The following DIPK1A variants were observed in gnomAD, a reference collection of about 807,000 sequenced individuals.
The protein encoded by DIPK1A is divergent protein kinase domain 1A.
Under a neutral mutation model 40.8 loss-of-function variants are expected in DIPK1A, and 27 were observed. That is an observed-to-expected ratio of 0.66 (90% CI 0.49 to 0.91). The LOEUF is 0.91. Among genes scored for constraint, DIPK1A ranks in the 40% least tolerant of loss-of-function variants. The probability of loss-of-function intolerance (pLI) is 0.00; values close to 1 mark genes in which losing one functional copy is unlikely to be tolerated. For missense variants in DIPK1A, 412 were observed against 505.7 expected (o/e 0.81, Z 1.78); for synonymous variants, 166 against 171.3 (o/e 0.97, Z 0.24).
intron 1 of DIPK1A, among the ~76,000 whole-genome samples, chr1:92,915,843 A>G (rs111426699): frequency 1.3e-5 from 2 of 152,328 alleles, no homozygotes; most frequent in African/African-American, 4.8e-5. Flanking sequence ...AGCATTACTC[A>G]TAATAGTCCC....
downstream of DIPK1A, among the ~76,000 whole-genome samples, chr1:92,838,757 A>G (rs1043010500): frequency 5.3e-5 from 8 of 152,224 alleles, no homozygotes; most frequent in African/African-American, 1.9e-4. Flanking sequence ...TTGAATGACT[A>G]TATATGAAGT....
rs1486920729 is a variant in DIPK1A at position 92,896,077 on chromosome 1, G to T, written c.55-19647C>A. Among the ~76,000 whole-genome samples, 4 of 152,214 alleles carry T rather than the reference G, an allele frequency of 2.6e-5. No homozygotes were observed. The East Asian group carries it at 7.7e-4, about 29-fold the overall frequency. ...TCAATATCGTAAAAATGGCCATACT[G>T]CCCAAAGTAATTTATAGATTCAATG... is the stretch of plus-strand genomic sequence containing the variant. On this transcript the variant is annotated intron_variant, in intron 1 of 4. Coordinates refer to ENST00000370310, the MANE Select transcript of DIPK1A (RefSeq NM_001006605.5).
intron 2 of DIPK1A, among the ~76,000 whole-genome samples, chr1:92,865,302 G>C (rs986897580): frequency 1.3e-5 from 2 of 152,024 alleles, no homozygotes; most frequent in African/African-American, 4.8e-5. Flanking sequence ...ATTCAAGGCT[G>C]CAGTGAGCTA....
intron 1 of DIPK1A, among the ~76,000 whole-genome samples, chr1:92,882,582 C>G (rs540142315): frequency 6.6e-6 from 1 of 152,250 alleles, no homozygotes. Context: ...GAAGCATATT[C>G]TATTTCGACT....
chr1:92,920,328 G>A (rs970257889), intron 1 of DIPK1A, among the ~76,000 whole-genome samples: 1 of 152,128 alleles, frequency 6.6e-6, no homozygotes, highest in African/African-American at 2.4e-5. Flanking sequence ...TTATAAATGG[G>A]AGTTCCCCTG....
chr1:92,939,046 G>A (rs577415851), intron 1 of DIPK1A, among the ~76,000 whole-genome samples: 63 of 152,088 alleles, frequency 4.1e-4, no homozygotes, highest in African/African-American at 1.3e-3. Context: ...GATTACAGGC[G>A]CCCGCCACCA....
chr1:92,846,817 A>ATATATATGTGTG (rs1687626514), intron 4 of DIPK1A, among the ~76,000 whole-genome samples: 1 of 5,714 alleles, frequency 1.8e-4, no homozygotes, highest in East Asian at 0.016. Context: ...ATATATATAT[A>ATATATATGTGTG]TATATATATA....
intron 2 of DIPK1A, among the ~76,000 whole-genome samples, chr1:92,867,244 TG>T (rs1647591713): frequency 2.1e-5 from 3 of 143,846 alleles, no homozygotes; most frequent in Non-Finnish European, 4.5e-5. Flanking sequence ...TTAGTAGAGT[TG>T]GGGTTTCACT....
intron 2 of DIPK1A, among the ~76,000 whole-genome samples, chr1:92,875,272 C>T (rs1648064824): frequency 6.6e-6 from 1 of 152,108 alleles, no homozygotes; most frequent in African/African-American, 2.4e-5. Context: ...ATTTTGCTCC[C>T]TGTTATATGC....
chr1:92,891,729 A>G (rs1648891398), intron 1 of DIPK1A, among the ~76,000 whole-genome samples: 1 of 152,154 alleles, frequency 6.6e-6, no homozygotes, highest in African/African-American at 2.4e-5. Flanking sequence ...ACCCGGGAAG[A>G]GGAAGGGGTC....
At chr1:92,845,976 A>C (rs2100713341) in intron 4 of DIPK1A, 1 of 152,594 alleles carries the variant, frequency 6.6e-6, no homozygotes, top group South Asian at 2.1e-4. Context: ...CAGCTTGGGC[A>C]CCAGGGCAAG....
chr1:92,913,486 C>A (rs1649918152), intron 1 of DIPK1A, among the ~76,000 whole-genome samples: 1 of 152,114 alleles, frequency 6.6e-6, no homozygotes, highest in African/African-American at 2.4e-5. Context: ...GCAAAAATAT[C>A]CATTTTGTCT....
intron 1 of DIPK1A, among the ~76,000 whole-genome samples, chr1:92,913,087 AAGAG>A (rs1258320924): frequency 1.3e-5 from 2 of 151,856 alleles, no homozygotes; most frequent in Non-Finnish European, 1.5e-5. Context: ...GAAAAAGAAA[AAGAG>A]AGAAAAAAAA....
At chr1:92,905,712 G>C (rs996697250) in intron 1 of DIPK1A, among the ~76,000 whole-genome samples, 2 of 152,070 alleles carry the variant, frequency 1.3e-5, no homozygotes, top group African/African-American at 4.8e-5. Flanking sequence ...CAATTTCCTG[G>C]AGAATTTCCC....
At chr1:92,863,549 A>G (rs1476110700) in intron 2 of DIPK1A, among the ~76,000 whole-genome samples, 3 of 146,454 alleles carry the variant, frequency 2.0e-5, no homozygotes, top group Non-Finnish European at 4.5e-5. Flanking sequence ...GCTGGGCAAC[A>G]TAGAAAGACC....
rs1571116017 is a variant in DIPK1A at position 92,910,610 on chromosome 1, TAATA to T, written c.55-34184_55-34181del. Reference sequence around the variant, plus strand: ...TTCCATTCCTTTATAAATAATTTAATAATAAATAATTATTATTAAAATAAATATG... The same window carrying T: ...TTCCATTCCTTTATAAATAATTTAATAATAATTATTATTAAAATAAATATG... On this transcript the variant is annotated intron_variant, in intron 1 of 4. Coordinates refer to ENST00000370310, the MANE Select transcript of DIPK1A (RefSeq NM_001006605.5). Among the ~76,000 whole-genome samples, 4 of 151,754 alleles carry T rather than the reference TAATA, an allele frequency of 2.6e-5. No homozygotes were observed. In the East Asian group the frequency reaches 7.7e-4, roughly 29 times the overall value.
At chr1:92,846,442 A>G in intron 4 of DIPK1A, 1 of 244,330 alleles carries the variant, frequency 4.1e-6, no homozygotes, top group South Asian at 3.9e-5. Flanking sequence ...TCTCCTCTGT[A>G]CCCTTCCCAG....
intron 1 of DIPK1A, among the ~76,000 whole-genome samples, chr1:92,879,129 A>G (rs575333356): frequency 2.9e-4 from 44 of 150,938 alleles, no homozygotes; most frequent in Non-Finnish European, 7.4e-5. Context: ...GCAGTGAGCC[A>G]AGATCGCACC....
chr1:92,850,338 AAAAC>A (rs1402460258), intron 3 of DIPK1A, among the ~76,000 whole-genome samples: 14 of 152,066 alleles, frequency 9.2e-5, no homozygotes, highest in Admixed American at 5.9e-4. Context: ...CAGAAAAAAA[AAAAC>A]AAAACAAAAC....
Sources: allele counts gnomAD v4.1 joint callset (sites outside exome capture counted in the v4.1 genomes callset), GRCh38; gene constraint gnomAD v4.1.1; transcripts MANE v1.5; gene names NCBI Gene and HGNC (gene_info 2026-07-23, HGNC 2026-07-21).